The following HOOK3 variants were observed in gnomAD, a reference collection of about 807,000 sequenced individuals.
The protein encoded by HOOK3 is hook microtubule tethering protein 3, also known as protein Hook homolog 3.
A neutral mutation model predicts 116.3 loss-of-function variants in HOOK3; 24 were observed. The ratio of observed to expected loss-of-function variants is 0.21; its 90% CI spans 0.15 to 0.29. The LOEUF is 0.29. Among genes scored for constraint, HOOK3 ranks in the 10% least tolerant of loss-of-function variants. The probability of loss-of-function intolerance (pLI) is 1.00; values close to 1 mark genes in which losing one functional copy is unlikely to be tolerated. For missense variants in HOOK3, 632 were observed against 830.2 expected, an observed-to-expected ratio of 0.76 and a Z score of 2.93; for synonymous variants, 275 against 283.0, an observed-to-expected ratio of 0.97 and a Z score of 0.28.
chr8:42,976,030 G>GTATA (rs1021994847), intron 13 of HOOK3, among the ~76,000 whole-genome samples: 1 of 143,484 alleles, frequency 7.0e-6, no homozygotes, highest in South Asian at 2.2e-4. Context: ...ATGTGTGTGT[G>GTATA]TATATATATA....
chr8:42,973,052 A>G (rs1808753149), intron 11 of HOOK3, among the ~76,000 whole-genome samples: 1 of 152,228 alleles, frequency 6.6e-6, no homozygotes, highest in African/African-American at 2.4e-5. Context: ...TAGAAATGAA[A>G]ATCCTATAGA....
At chr8:42,909,625 G>A (rs1253513632) in intron 2 of HOOK3, among the ~76,000 whole-genome samples, 1 of 152,126 alleles carries the variant, frequency 6.6e-6, no homozygotes, top group Non-Finnish European at 1.5e-5. Context: ...CACACACCCA[G>A]CCTTTTTTGT....
chr8:43,007,888 G>C lies in HOOK3; in HGVS notation c.1697G>C (p.Arg566Thr). ...GCCAATAATGAACTACAGAAGAAGA[G>C]AGCCATTATTGAAGATCTCGAGCCA... Reference protein sequence around the residue: ...HEANNELQKKRAIIEDLEPRF... With the variant: ...HEANNELQKKTAIIEDLEPRF... The change falls in exon 18 of 22, where the codon AGA becomes ACA. Residue 566 changes from arginine to threonine, a missense_variant. By Grantham distance (71) the Arg-to-Thr change is moderately conservative (BLOSUM62 -1). This residue lies in a region of HOOK3 where 483 missense variants were observed against 648.1 expected (regional missense o/e 0.75). Coordinates refer to ENST00000307602, the MANE Select transcript of HOOK3 (RefSeq NM_032410.4). The C allele has an allele frequency of 6.2e-7, 1 of 1,600,758 alleles. No individual in the cohort carries two copies. Among genetic ancestry groups the C allele is most frequent in the South Asian group, 1.1e-5 (1 of 88,820 alleles).
intron 17 of HOOK3, among the ~76,000 whole-genome samples, chr8:43,003,581 C>G (rs1028745649): frequency 5.3e-5 from 8 of 152,240 alleles, no homozygotes; most frequent in Non-Finnish European, 8.8e-5. Flanking sequence ...GAAGATGGAG[C>G]CTGTATTAGT....
chr8:42,919,018 C>G (rs1042399552), intron 2 of HOOK3, among the ~76,000 whole-genome samples: 2 of 148,444 alleles, frequency 1.3e-5, no homozygotes, highest in African/African-American at 5.0e-5. Flanking sequence ...CCCCCACCTC[C>G]TGGATGGGGT....
chr8:42,957,004 G>T, intron 6 of HOOK3, 90 bp from the exon 7 acceptor site: 2 of 611,446 alleles, frequency 3.3e-6, no homozygotes, highest in South Asian at 2.8e-5. Flanking sequence ...TATTTCTATA[G>T]TGGCTGGGTA....
At chr8:42,918,386 G>C (rs1469173007) in intron 2 of HOOK3, among the ~76,000 whole-genome samples, 1 of 151,998 alleles carries the variant, frequency 6.6e-6, no homozygotes, top group Non-Finnish European at 1.5e-5. Context: ...AATAATTCTA[G>C]CAGTAGCAAT....
At chr8:42,944,547 G>A (rs970733271) in intron 5 of HOOK3, among the ~76,000 whole-genome samples, 9 of 151,490 alleles carry the variant, frequency 5.9e-5, no homozygotes, top group East Asian at 3.9e-4. Flanking sequence ...GGGGCCGGGC[G>A]CAGTGGCTCA....
Position 43,024,877 on chromosome 8 carries a change from A to G in HOOK3, c.*6379A>G. 4.8e-6 allele frequency: 1 copy of G among 208,700 alleles called. No individual in the cohort carries two copies. Among genetic ancestry groups the G allele is most frequent in the Non-Finnish European group, 9.8e-6 (1 of 102,462 alleles). The allele number at this position is 208,700 out of a possible 1,614,324, so 12.9% of individuals were successfully genotyped here. A position where few individuals can be genotyped will look rare whatever the true frequency, so the allele number is the denominator to read the frequency against. The stretch of plus-strand genomic sequence containing the variant: ...TATTTAGCTTCCTTTCTAGAAAACA[A>G]GGGGCAGCACAAATGGGGTGGCATC... On this transcript the variant is annotated 3_prime_UTR_variant, in exon 22 of 22. Coordinates refer to ENST00000307602, the MANE Select transcript of HOOK3 (RefSeq NM_032410.4).
intron 4 of HOOK3, among the ~76,000 whole-genome samples, chr8:42,934,389 C>A (rs62515919): frequency 0.047 from 7,166 of 151,978 alleles, 222 homozygotes; most frequent in South Asian, 0.081. Context: ...TTTTTACTTT[C>A]ATATGTTTTT....
intron 3 of HOOK3, 59 bp downstream of exon 3, chr8:42,925,688 G>A (rs1198522595): frequency 2.6e-6 from 3 of 1,165,196 alleles, no homozygotes; most frequent in African/African-American, 3.1e-5. Context: ...AATATCTGTT[G>A]ATTTTTTTTT....
intron 15 of HOOK3, 76 bp from the exon 16 acceptor site, chr8:42,997,474 A>G (rs1809300772): frequency 1.2e-6 from 1 of 837,720 alleles, no homozygotes; most frequent in African/African-American, 1.7e-5. Context: ...TATACTTTCT[A>G]ACTAATATGA....
chr8:42,964,895 A>G (rs532274518), intron 9 of HOOK3, among the ~76,000 whole-genome samples: 3 of 152,354 alleles, frequency 2.0e-5, no homozygotes, highest in Non-Finnish European at 1.5e-5. Context: ...TGAGGCTCCA[A>G]ATAAACAACT....
chr8:43,007,751 G>A, intron 17 of HOOK3, 96 bp from the exon 18 acceptor site: 1 of 606,726 alleles, frequency 1.6e-6, no homozygotes, highest in Non-Finnish European at 2.9e-6. Context: ...TGCATGCAAT[G>A]CAAGTGTAAT....
At chr8:42,981,816 A>AG in intron 13 of HOOK3, among the ~76,000 whole-genome samples, 1 of 150,190 alleles carries the variant, frequency 6.7e-6, no homozygotes, top group Non-Finnish European at 1.5e-5. Context: ...CCCAGGAGAC[A>AG]GAGGTTGCAG....
intron 6 of HOOK3, among the ~76,000 whole-genome samples, chr8:42,954,128 A>G (rs1808392258): frequency 6.6e-6 from 1 of 152,240 alleles, no homozygotes. Flanking sequence ...ATTAGGTTTA[A>G]AAAGGTAGAT....
rs1171484118 is a variant in HOOK3 at position 42,939,528 on chromosome 8, C to T, written c.268-3785C>T. 4.9e-5 allele frequency among the ~76,000 whole-genome samples: 7 copies of T among 143,290 alleles called. No individual in the cohort carries two copies. The South Asian group carries it at 1.2e-3, about 24-fold the overall frequency. 94.0% of individuals were successfully genotyped at this position (143,290 alleles called of 152,430 possible). On this transcript the variant is annotated intron_variant, in intron 4 of 21. Coordinates refer to ENST00000307602, the MANE Select transcript of HOOK3 (RefSeq NM_032410.4). The stretch of plus-strand genomic sequence containing the variant: ...GCGGCTGGCCGGGCGGGGGGCTGAT[C>T]CCCCCACCTCCCTCCCGGACAGGGC...
At chr8:42,961,077 A>G (rs1808525852) in intron 8 of HOOK3, among the ~76,000 whole-genome samples, 1 of 152,100 alleles carries the variant, frequency 6.6e-6, no homozygotes, top group Non-Finnish European at 1.5e-5. Context: ...GGTGCCATAC[A>G]CTTTTAAACA....
At chr8:43,013,015 A>G in intron 19 of HOOK3, 36 bp from the exon 20 acceptor site, 1 of 1,277,564 alleles carries the variant, frequency 7.8e-7, no homozygotes, top group Non-Finnish European at 1.1e-6. Flanking sequence ...TTTAAGTTTG[A>G]GACTTTTTAA....
Sources: gnomAD v4.1 joint callset for allele counts (sites outside exome capture counted in the v4.1 genomes callset) on GRCh38, gnomAD v4.1.1 for gene constraint, gnomAD v4.1.1 regional missense constraint, MANE v1.5 for transcripts, NCBI Gene and HGNC (gene_info 2026-07-23, HGNC 2026-07-21) for gene names.